Variants in PDE3B observed in about 807,000 individuals in gnomAD.
PDE3B encodes the protein cGMP-inhibited 3',5'-cyclic phosphodiesterase 3B.
PDE3B carries 66 observed loss-of-function variants against 116.8 expected under a neutral mutation model. The ratio of observed to expected loss-of-function variants is 0.56; its 90% CI spans 0.46 to 0.69. The LOEUF (loss-of-function observed/expected upper bound fraction) is 0.69. Among genes scored for constraint, PDE3B ranks in the 30% least tolerant of loss-of-function variants. PDE3B has a pLI of 0.00. For synonymous variants in PDE3B, 595 were observed against 533.6 expected (o/e 1.12, Z -1.59); for missense variants, 1,384 against 1,368.1 (o/e 1.01, Z -0.18).
intron 1 of PDE3B, among the ~76,000 whole-genome samples, chr11:14,729,732 A>G (rs955036017): frequency 2.6e-5 from 4 of 152,196 alleles, no homozygotes; most frequent in Non-Finnish European, 2.9e-5. Context: ...GCAAGTATAT[A>G]AACAAATTTT....
At chr11:14,694,551 A>G (rs1292146799) in intron 1 of PDE3B, among the ~76,000 whole-genome samples, 1 of 152,200 alleles carries the variant, frequency 6.6e-6, no homozygotes, top group East Asian at 1.9e-4. Context: ...TTAGCAATAG[A>G]GTATTTTTAG....
In PDE3B at chr11:14,818,279, C is replaced by G. The variant is rs1295218858; in HGVS notation, c.1619C>G (p.Thr540Ser). 2 of 1,612,978 alleles carry G rather than the reference C, an allele frequency of 1.2e-6. No individual in the cohort carries two copies. Among genetic ancestry groups the G allele is most frequent in the Non-Finnish European group, 1.7e-6 (2 of 1,179,118 alleles). Residue 540 changes from threonine (T) to serine (S), a missense_variant, in exon 6 of 16, where the codon ACT becomes AGT. Thr to Ser is a moderately conservative substitution (Grantham distance 58, BLOSUM62 1). This residue lies in a region of PDE3B where 956 missense variants were observed against 806.8 expected (regional missense o/e 1.18). Transcript: ENST00000282096. ...CGATCACCCATAGAATTTCCTGATA[C>G]TGCTGATTTTCTTAATAAGCCAAGC... ...TNRSPIEFPDTADFLNKPSVI... is the reference protein window; with the variant it reads ...TNRSPIEFPDSADFLNKPSVI...
At chr11:14,772,998 G>A (rs774214886) in intron 2 of PDE3B, 13 of 151,774 alleles carry the variant, frequency 8.6e-5, no homozygotes, top group African/African-American at 2.9e-4. Context: ...GACCTTCAAC[G>A]CAGTGTTGAA....
chr11:14,859,386 C>T, intron 13 of PDE3B, 140 bp downstream of exon 13: 1 of 496,504 alleles, frequency 2.0e-6, no homozygotes, highest in South Asian at 4.2e-5. Flanking sequence ...AATATATATG[C>T]CTATATTTTT....
At chr11:14,786,091 C>A (rs1244781092) in intron 2 of PDE3B, among the ~76,000 whole-genome samples, 2 of 152,016 alleles carry the variant, frequency 1.3e-5, no homozygotes, top group Non-Finnish European at 2.9e-5. Context: ...AACCTTGTCA[C>A]TGTGTTAGAC....
In PDE3B at chr11:14,665,394, C is replaced by T. The variant is rs544636169; in HGVS notation, c.978+20341C>T. ...GCTGTCTCTCACCACTCCTATTCCA[C>T]ATACTGTTGGAAGTTCTAGCCAGGG... On this transcript the variant is annotated intron_variant, in intron 1 of 15. Transcript: ENST00000282096. 1.6e-4 allele frequency among the ~76,000 whole-genome samples: 24 copies of T among 152,310 alleles called. No homozygotes were observed. In the South Asian group the frequency reaches 5.0e-3, roughly 32 times the overall value.
the PDE3B span, among the ~76,000 whole-genome samples, chr11:14,888,726 C>A: frequency 6.6e-5 from 10 of 152,144 alleles, no homozygotes; most frequent in African/African-American, 2.4e-4. Flanking sequence ...GTGATTTCAT[C>A]TTTTTCATCT....
chr11:14,702,711 T>G (rs1855402233), intron 1 of PDE3B, among the ~76,000 whole-genome samples: 1 of 151,936 alleles, frequency 6.6e-6, no homozygotes, highest in Non-Finnish European at 1.5e-5. Context: ...CAGCCACACT[T>G]TAAGTGCAGA....
chr11:14,832,772 TC>T lies in PDE3B; in HGVS notation c.2148del (p.Thr717LeufsTer5). 1 of 1,536,668 alleles carries T rather than the reference TC, an allele frequency of 6.5e-7. No individual in the cohort carries two copies. The highest frequency in any genetic ancestry group is 8.9e-7 in the Non-Finnish European group (1 of 1,117,790). On this transcript the variant is annotated frameshift_variant, in exon 10 of 16. Transcript: ENST00000282096. LOFTEE classifies it high-confidence loss of function. Reference protein sequence around the residue: ...DTGLLEIFKIPTQQFMNYFRA... With the variant: ...DTGLLEIFKIXTQQFMNYFRA... ...CTGGTTTATTGGAAATATTTAAAATTCCCACTCAACAATTTATGAACTATTT... is the reference window on the plus strand; with the variant it reads ...CTGGTTTATTGGAAATATTTAAAATTCCACTCAACAATTTATGAACTATTT...
the PDE3B span, chr11:14,891,702 A>C: frequency 4.5e-4 from 527 of 1,166,914 alleles, no homozygotes; most frequent in East Asian, 3.0e-3. Flanking sequence ...CGCAGGAGCA[A>C]GAGCTCGAGC....
intron 12 of PDE3B, among the ~76,000 whole-genome samples, chr11:14,849,455 A>G (rs1847691640): frequency 1.3e-5 from 2 of 152,266 alleles, no homozygotes; most frequent in African/African-American, 2.4e-5. Flanking sequence ...AAACACCAGA[A>G]GCAATGGCAA....
At chr11:14,667,393 C>G (rs984444803) in intron 1 of PDE3B, among the ~76,000 whole-genome samples, 5 of 150,746 alleles carry the variant, frequency 3.3e-5, no homozygotes, top group Non-Finnish European at 7.4e-5. Flanking sequence ...ATGTAACTAA[C>G]CTGCACATTG....
intron 7 of PDE3B, among the ~76,000 whole-genome samples, chr11:14,827,127 A>T (rs1026400495): frequency 6.6e-6 from 1 of 152,224 alleles, no homozygotes; most frequent in South Asian, 2.1e-4. Flanking sequence ...ACATCCCTTC[A>T]TGTTAAAAAC....
intron 1 of PDE3B, among the ~76,000 whole-genome samples, chr11:14,677,747 C>T (rs1000048389): frequency 1.3e-5 from 2 of 152,152 alleles, no homozygotes; most frequent in Non-Finnish European, 2.9e-5. Context: ...TTTTCCTTCA[C>T]TGTAGTTTTA....
chr11:14,744,584 C>T (rs945042220), intron 1 of PDE3B, among the ~76,000 whole-genome samples: 1 of 152,144 alleles, frequency 6.6e-6, no homozygotes, highest in Non-Finnish European at 1.5e-5. Context: ...ATTATTTCAT[C>T]TATATCTCCC....
intron 1 of PDE3B, among the ~76,000 whole-genome samples, chr11:14,691,212 A>G (rs1000864038): frequency 6.6e-6 from 1 of 152,186 alleles, no homozygotes; most frequent in African/African-American, 2.4e-5. Context: ...CTGCAAATCA[A>G]CATTTTATGC....
intron 11 of PDE3B, among the ~76,000 whole-genome samples, chr11:14,842,173 G>A (rs1847485972): frequency 6.6e-6 from 1 of 152,062 alleles, no homozygotes; most frequent in African/African-American, 2.4e-5. Flanking sequence ...CAATCTGGAT[G>A]TCTTTTACTG....
intron 5 of PDE3B, among the ~76,000 whole-genome samples, chr11:14,810,244 G>A (rs1252028252): frequency 6.6e-6 from 1 of 151,322 alleles, no homozygotes; most frequent in African/African-American, 2.4e-5. Context: ...GTATACATGT[G>A]CCATGCTGGT....
chr11:14,668,321 A>C (rs1043016448), intron 1 of PDE3B, among the ~76,000 whole-genome samples: 8 of 152,160 alleles, frequency 5.3e-5, no homozygotes, highest in African/African-American at 1.9e-4. Context: ...ATCTAAGGAC[A>C]CTTGGTTCTT....
Sources: gnomAD v4.1 joint callset for allele counts (sites outside exome capture counted in the v4.1 genomes callset) on GRCh38, gnomAD v4.1.1 for gene constraint, gnomAD v4.1.1 regional missense constraint, MANE v1.5 for transcripts, NCBI Gene and HGNC (gene_info 2026-07-23, HGNC 2026-07-21) for gene names.